CDK14: variants seen among roughly 807,000 people sequenced by gnomAD.
CDK14 encodes cyclin dependent kinase 14.
A neutral mutation model predicts 60.7 loss-of-function variants in CDK14; 34 were observed. The ratio of observed to expected loss-of-function variants is 0.56; its 90% CI spans 0.43 to 0.75. The LOEUF (loss-of-function observed/expected upper bound fraction) is 0.75, where lower values mean the gene tolerates loss of function less well. CDK14 is among the 30% of genes least tolerant of loss of function. The probability of loss-of-function intolerance (pLI) is 0.00; values close to 1 mark genes in which losing one functional copy is unlikely to be tolerated. For missense variants in CDK14, 482 were observed against 564.1 expected, an observed-to-expected ratio of 0.85 and a Z score of 1.47; for synonymous variants, 197 against 203.7, an observed-to-expected ratio of 0.97 and a Z score of 0.28.
chr7:90,656,958 G>C (rs889217675), intron 2 of CDK14, among the ~76,000 whole-genome samples: 4 of 152,098 alleles, frequency 2.6e-5, no homozygotes, highest in African/African-American at 7.2e-5. Flanking sequence ...ACTGCCTTTT[G>C]AGATTTATGC....
At chr7:90,604,550 C>T (rs551463190) in intron 2 of CDK14, among the ~76,000 whole-genome samples, 18 of 152,296 alleles carry the variant, frequency 1.2e-4, no homozygotes, top group African/African-American at 3.6e-4. Flanking sequence ...GAGTGATGTA[C>T]GTGCTTAAGG....
At chr7:91,050,910 G>A (rs979735747) in intron 11 of CDK14, among the ~76,000 whole-genome samples, 22 of 152,282 alleles carry the variant, frequency 1.4e-4, no homozygotes, top group Non-Finnish European at 1.0e-4. Context: ...CCATGTCTCC[G>A]TGGGTCTTAG....
intron 2 of CDK14, among the ~76,000 whole-genome samples, chr7:90,689,618 T>A (rs531867352): frequency 3.2e-4 from 48 of 152,324 alleles, no homozygotes; most frequent in African/African-American, 1.1e-3. Context: ...TAGCCCAGAC[T>A]AGTTTAGCTG....
intron 14 of CDK14, among the ~76,000 whole-genome samples, chr7:91,123,638 T>C (rs188155716): frequency 4.6e-5 from 7 of 152,176 alleles, no homozygotes; most frequent in African/African-American, 1.7e-4. Flanking sequence ...CTTAGCTTCC[T>C]GTCTACCCTG....
intron 7 of CDK14, among the ~76,000 whole-genome samples, chr7:90,909,260 A>T (rs1792811633): frequency 6.6e-6 from 1 of 152,112 alleles, no homozygotes. Flanking sequence ...ACAGAGTAAG[A>T]TTATGTTATT....
At chr7:90,693,217 G>A (rs1340508876) in intron 2 of CDK14, among the ~76,000 whole-genome samples, 1 of 152,090 alleles carries the variant, frequency 6.6e-6, no homozygotes, top group African/African-American at 2.4e-5. Flanking sequence ...TAAATATTAA[G>A]ATTGATGTCT....
chr7:90,734,756 A>T (rs1245499319), intron 3 of CDK14, among the ~76,000 whole-genome samples: 2 of 152,126 alleles, frequency 1.3e-5, no homozygotes, highest in Non-Finnish European at 2.9e-5. Context: ...GGGTTAAAAC[A>T]CGCTCCTTTA....
At chr7:90,644,535 C>A (rs1411417112) in intron 2 of CDK14, among the ~76,000 whole-genome samples, 1 of 152,152 alleles carries the variant, frequency 6.6e-6, no homozygotes, top group Non-Finnish European at 1.5e-5. Context: ...GGAAAAGAGA[C>A]TCAACAGCAA....
At position 90,882,020 on chromosome 7, in the gene CDK14, C is replaced by T. The variant is rs537293624; in HGVS notation, c.640-17271C>T. On this transcript the variant is annotated intron_variant, in intron 6 of 14. Transcript: ENST00000380050. The stretch of plus-strand genomic sequence containing the variant: ...AAAGACCAATGACACTACGAAGAAA[C>T]TCCATCAACTAGTGTGCAAAATAAC... 1.6e-3 allele frequency among the ~76,000 whole-genome samples: 246 copies of T among 152,226 alleles called. 1 individual carries two copies. The highest frequency in any genetic ancestry group is 5.7e-3 in the African/African-American group (238 of 41,534).
At chr7:90,756,259 C>T (rs1804053855) in intron 4 of CDK14, among the ~76,000 whole-genome samples, 1 of 152,208 alleles carries the variant, frequency 6.6e-6, no homozygotes, top group Non-Finnish European at 1.5e-5. Context: ...AAACGAACCA[C>T]TTGGAAGTTC....
intron 5 of CDK14, among the ~76,000 whole-genome samples, chr7:90,794,029 G>A (rs1032654245): frequency 4.6e-5 from 7 of 152,222 alleles, no homozygotes; most frequent in Admixed American, 1.3e-4. Flanking sequence ...GAGAAATAAA[G>A]GGAAAGAGTA....
At chr7:90,813,485 T>A (rs1584000180) in intron 5 of CDK14, among the ~76,000 whole-genome samples, 1 of 152,314 alleles carries the variant, frequency 6.6e-6, no homozygotes, top group African/African-American at 2.4e-5. Flanking sequence ...TGGTGGCTCA[T>A]GCCTGTAATC....
chr7:91,101,567 A>T (rs1452527377), intron 12 of CDK14, among the ~76,000 whole-genome samples: 1 of 152,174 alleles, frequency 6.6e-6, no homozygotes, highest in Non-Finnish European at 1.5e-5. Context: ...GTTTGTTTTG[A>T]GGGGAGGAAT....
chr7:90,677,080 G>A (rs1449959511), intron 2 of CDK14, among the ~76,000 whole-genome samples: 1 of 152,046 alleles, frequency 6.6e-6, no homozygotes, highest in East Asian at 1.9e-4. Flanking sequence ...GATATTTTAG[G>A]ATGTTCTTCA....
At chr7:91,115,502 C>T (rs1241347672) in intron 13 of CDK14, among the ~76,000 whole-genome samples, 1 of 152,138 alleles carries the variant, frequency 6.6e-6, no homozygotes, top group East Asian at 1.9e-4. Flanking sequence ...GGGGTTAGGG[C>T]TTCAACAGAT....
At chr7:90,945,202 C>T (rs1026460844) in intron 8 of CDK14, among the ~76,000 whole-genome samples, 1 of 152,152 alleles carries the variant, frequency 6.6e-6, no homozygotes, top group Non-Finnish European at 1.5e-5. Context: ...CTGGTTTAAT[C>T]AGATGGTGTT....
intron 5 of CDK14, among the ~76,000 whole-genome samples, chr7:90,805,929 A>G (rs1377072270): frequency 6.6e-6 from 1 of 152,222 alleles, no homozygotes; most frequent in Non-Finnish European, 1.5e-5. Context: ...ACAGTATGTT[A>G]TAGTTGTGAA....
chr7:91,098,349 C>T (rs1209650221), intron 12 of CDK14, among the ~76,000 whole-genome samples: 3 of 151,984 alleles, frequency 2.0e-5, no homozygotes, highest in Non-Finnish European at 4.4e-5. Flanking sequence ...CCATTTAATA[C>T]GTTTAGTCTA....
chr7:91,137,819 A>G (rs1393028995), intron 14 of CDK14, among the ~76,000 whole-genome samples: 1 of 152,000 alleles, frequency 6.6e-6, no homozygotes, highest in East Asian at 1.9e-4. Context: ...CTTAGATTTC[A>G]GTTTCATGTA....
Sources: gnomAD v4.1 joint callset for allele counts (sites outside exome capture counted in the v4.1 genomes callset) on GRCh38, gnomAD v4.1.1 for gene constraint, MANE v1.5 for transcripts, NCBI Gene and HGNC (gene_info 2026-07-23, HGNC 2026-07-21) for gene names.